The following CRTC1 variants were observed in gnomAD, a reference collection of about 807,000 sequenced individuals.
The protein encoded by CRTC1 is CREB-regulated transcription coactivator 1.
Under a neutral mutation model 66.1 loss-of-function variants are expected in CRTC1, and 18 were observed. The observed-to-expected ratio is 0.27, with a 90% confidence interval of 0.19 to 0.40. The LOEUF (loss-of-function observed/expected upper bound fraction) is 0.40. Among genes scored for constraint, CRTC1 ranks in the 10% least tolerant of loss-of-function variants. The pLI, the probability that CRTC1 is intolerant of heterozygous loss-of-function variation, is 1.00. For synonymous variants in CRTC1, 416 were observed against 398.8 expected (o/e 1.04, Z -0.51); for missense variants, 669 against 887.9 (o/e 0.75, Z 3.13).
In CRTC1 at chr19:18,728,815, C is replaced by CTTTTTTTTTTTTTTTTTTTTTTTTTTT. The variant is rs35465891; in HGVS notation, c.127-14080_127-14079insTTTTTTTTTTTTTTTTTTTTTTTTTTT. 2.1e-4 allele frequency among the ~76,000 whole-genome samples: 17 copies of CTTTTTTTTTTTTTTTTTTTTTTTTTTT among 79,360 alleles called. 2 individuals carry two copies. Among genetic ancestry groups the CTTTTTTTTTTTTTTTTTTTTTTTTTTT allele is most frequent in the East Asian group, 1.5e-3 (2 of 1,362 alleles). 52.1% of individuals were successfully genotyped at this position (79,360 alleles called of 152,430 possible). Reference sequence around the variant, plus strand: ...ACAGGTGTGAGCCACCTCACCTGGCCTTTTTTTTTTTTTTTGAGACAGAGT... The same window carrying CTTTTTTTTTTTTTTTTTTTTTTTTTTT: ...ACAGGTGTGAGCCACCTCACCTGGCCTTTTTTTTTTTTTTTTTTTTTTTTTTTTTTTTTTTTTTTTTTGAGACAGAGT... On this transcript the variant is annotated intron_variant, in intron 1 of 13. Transcript: ENST00000321949.
At chr19:18,722,168 G>T (rs1321206293) in intron 1 of CRTC1, among the ~76,000 whole-genome samples, 14 of 152,212 alleles carry the variant, frequency 9.2e-5, no homozygotes, top group Admixed American at 9.2e-4. Flanking sequence ...ATCCTGCCAT[G>T]GGGAGCTTGC....
intron 1 of CRTC1, among the ~76,000 whole-genome samples, chr19:18,684,068 TC>T (rs774526997): frequency 1.2e-3 from 189 of 151,212 alleles, no homozygotes; most frequent in Non-Finnish European, 2.2e-3. Flanking sequence ...GCATCACTGC[TC>T]CCCGGAGGAG....
chr19:18,721,148 A>T (rs1301861194), intron 1 of CRTC1, among the ~76,000 whole-genome samples: 2 of 150,008 alleles, frequency 1.3e-5, no homozygotes, highest in Non-Finnish European at 2.9e-5. Context: ...TCTTCTGAGG[A>T]TGCTAGTCAT....
intron 10 of CRTC1, among the ~76,000 whole-genome samples, chr19:18,769,375 C>G (rs1035805433): frequency 6.6e-6 from 1 of 152,234 alleles, no homozygotes; most frequent in African/African-American, 2.4e-5. Flanking sequence ...TCCAGCGGCG[C>G]GGGCTGGGTG....
At position 18,693,910 on chromosome 19, in the gene CRTC1, G is replaced by A. The variant is rs565280354; in HGVS notation, c.126+10082G>A. On this transcript the variant is annotated intron_variant, in intron 1 of 13. Transcript: ENST00000321949. ...GAGCTTTGGGAGGCCAAGGCAGGTG[G>A]ACCACCTGAGGTCAGGAGTTCGAGC... Among the ~76,000 whole-genome samples, 9 of 152,098 alleles carry A rather than the reference G, an allele frequency of 5.9e-5. No homozygotes were observed. The South Asian group carries it at 1.9e-3, about 32-fold the overall frequency.
intron 1 of CRTC1, among the ~76,000 whole-genome samples, chr19:18,720,122 G>A (rs2053590710): frequency 6.6e-6 from 1 of 152,204 alleles, no homozygotes; most frequent in Admixed American, 6.5e-5. Context: ...TGCACCAAGA[G>A]ATGTGTTTTG....
rs2055024544 is a variant in CRTC1 at position 18,777,689 on chromosome 19, C to T, written c.*307C>T. On this transcript the variant is annotated 3_prime_UTR_variant, in exon 14 of 14. Coordinates refer to ENST00000321949, the MANE Select transcript of CRTC1 (RefSeq NM_015321.3). The surrounding 1 kb of genome is among the most constrained non-coding windows in gnomAD (Gnocchi z 5.5). ...CCCCCAGCCCCGGGGCCTGAGCCGT[C>T]CCCTGTAAGATGCGGGAAGTGTCAG... The T allele has an allele frequency of 4.8e-6, 2 of 414,014 alleles. No homozygotes were observed. Among genetic ancestry groups the T allele is most frequent in the South Asian group, 2.8e-5 (1 of 35,658 alleles). 25.6% of individuals were successfully genotyped at this position (414,014 alleles called of 1,614,324 possible). A position where few individuals can be genotyped will look rare whatever the true frequency, so the allele number is the denominator to read the frequency against.
intron 5 of CRTC1, among the ~76,000 whole-genome samples, chr19:18,752,755 A>G (rs2054395154): frequency 6.6e-6 from 1 of 151,338 alleles, no homozygotes; most frequent in Admixed American, 6.6e-5. Context: ...ATTCTGCCTC[A>G]GCCTCCCAAG....
chr19:18,764,882 C>T (rs2054694423), intron 8 of CRTC1, among the ~76,000 whole-genome samples: 1 of 152,194 alleles, frequency 6.6e-6, no homozygotes, highest in Admixed American at 6.5e-5. Context: ...CAGCATTGGG[C>T]AGGGCCTGCT....
rs35208922 is a variant in CRTC1, at chr19:18,721,195, G to GTTT, written c.127-21701_127-21699dup. Among the ~76,000 whole-genome samples, 670 of 136,928 alleles carry GTTT rather than the reference G, an allele frequency of 4.9e-3. 18 individuals are homozygous for GTTT. The highest frequency in any genetic ancestry group is 0.017 in the African/African-American group (626 of 37,122). The allele number at this position is 136,928 out of a possible 152,430, so 89.8% of individuals were successfully genotyped here. On this transcript the variant is annotated intron_variant, in intron 1 of 13. Transcript: ENST00000321949. ...CATACCCTACTCCAGTTCAACCTCT[G>GTTT]TTTTTTTTTTTTTTTTGAGACGGAG...
intron 6 of CRTC1, among the ~76,000 whole-genome samples, chr19:18,756,334 C>CAAAAAAAA (rs56092227): frequency 1.4e-5 from 1 of 73,210 alleles, no homozygotes. Flanking sequence ...AACTCCATCT[C>CAAAAAAAA]AAAAAAAAAA....
Position 18,760,271 on chromosome 19 carries a change from T to A in CRTC1, c.886+43T>A. ...CGCCCTCGGACAGAGCACTGGCTTG[T>A]GGAGACAACACGGGCATCTGCAGGA... On this transcript the variant is annotated intron_variant, in intron 8 of 13. Transcript: ENST00000321949. This position sits in a 1 kb window ranked among gnomAD's most constrained non-coding sequence, Gnocchi z 6.2. 6.9e-7 allele frequency: 1 copy of A among 1,455,000 alleles called. No homozygotes were observed. Among genetic ancestry groups the A allele is most frequent in the Non-Finnish European group, 9.4e-7 (1 of 1,067,524 alleles). The allele number at this position is 1,455,000 out of a possible 1,614,324, so 90.1% of individuals were successfully genotyped here. A position where few individuals can be genotyped will look rare whatever the true frequency, so the allele number is the denominator to read the frequency against.
rs995415118 is a variant in CRTC1, at chr19:18,778,600, C to T, written c.*1218C>T. 30 of 230,520 alleles carry T rather than the reference C, an allele frequency of 1.3e-4. No homozygotes were observed. Among genetic ancestry groups the T allele is most frequent in the Admixed American group, 1.1e-3 (19 of 17,686 alleles). 14.3% of individuals were successfully genotyped at this position (230,520 alleles called of 1,614,324 possible). ...CTGCCAGGGCCACAGAACAGACTTCCGGGAAGGGGCCTTGGCTTTTATTGA... is the reference window on the plus strand; with the variant it reads ...CTGCCAGGGCCACAGAACAGACTTCTGGGAAGGGGCCTTGGCTTTTATTGA... On this transcript the variant is annotated 3_prime_UTR_variant, in exon 14 of 14. Transcript: ENST00000321949.
rs901672936 is a variant in CRTC1 at position 18,777,776 on chromosome 19, G to A, written c.*394G>A. ...GCATGGTCCGCCAGGGCTGTGGGCCGTGGCGCATTTTCCGACTGTTTGTCC... is the reference window on the plus strand; with the variant it reads ...GCATGGTCCGCCAGGGCTGTGGGCCATGGCGCATTTTCCGACTGTTTGTCC... On this transcript the variant is annotated 3_prime_UTR_variant, in exon 14 of 14. Transcript: ENST00000321949. The surrounding 1 kb of genome is among the most constrained non-coding windows in gnomAD (Gnocchi z 5.5). 9 of 318,552 alleles carry A rather than the reference G, an allele frequency of 2.8e-5. No homozygotes were observed. The highest frequency in any genetic ancestry group is 1.3e-4 in the South Asian group (3 of 22,736). The allele number at this position is 318,552 out of a possible 1,614,324, so 19.7% of individuals were successfully genotyped here.
intron 11 of CRTC1, among the ~76,000 whole-genome samples, chr19:18,773,765 G>A (rs1422855686): frequency 2.6e-5 from 4 of 152,084 alleles, no homozygotes; most frequent in Non-Finnish European, 5.9e-5. Context: ...TGAGTGGGAC[G>A]TCCAACCTCA....
chr19:18,718,892 T>C (rs888946673), intron 1 of CRTC1, among the ~76,000 whole-genome samples: 7 of 152,146 alleles, frequency 4.6e-5, no homozygotes, highest in African/African-American at 1.4e-4. Flanking sequence ...TTATTTTAAA[T>C]AGGATGGAAG....
intron 1 of CRTC1, among the ~76,000 whole-genome samples, chr19:18,704,531 T>C (rs1391283738): frequency 1.3e-5 from 2 of 152,096 alleles, no homozygotes; most frequent in Non-Finnish European, 2.9e-5. Context: ...AGTCAACATG[T>C]TGAAACCCCG....
chr19:18,695,203 C>T (rs1306152863), intron 1 of CRTC1, among the ~76,000 whole-genome samples: 1 of 151,996 alleles, frequency 6.6e-6, no homozygotes, highest in South Asian at 2.1e-4. Context: ...TTGGGGGTTT[C>T]GCCATGTTTG....
At position 18,721,411 on chromosome 19, in the gene CRTC1, T is replaced by C. The variant is rs546371378; in HGVS notation, c.127-21499T>C. 1.8e-3 allele frequency among the ~76,000 whole-genome samples: 267 copies of C among 151,674 alleles called. 1 individual carries two copies. The highest frequency in any genetic ancestry group is 5.9e-3 in the African/African-American group (242 of 41,280). On this transcript the variant is annotated intron_variant, in intron 1 of 13. Coordinates refer to ENST00000321949, the MANE Select transcript of CRTC1 (RefSeq NM_015321.3). The stretch of plus-strand genomic sequence containing the variant: ...GGTTTCACAGTGTTAGCCAGGATGG[T>C]CTCGATTTCCTGACCTTGTGATCCA...
Sources: allele counts gnomAD v4.1 joint callset (sites outside exome capture counted in the v4.1 genomes callset), GRCh38; gene constraint gnomAD v4.1.1; non-coding constraint Gnocchi (gnomAD v3.1); transcripts MANE v1.5; gene names NCBI Gene and HGNC (gene_info 2026-07-23, HGNC 2026-07-21).